Variants in PATJ observed in about 807,000 individuals in gnomAD.
PATJ encodes the protein PATJ crumbs cell polarity complex component, also known as inaD-like protein.
In PATJ, 190 loss-of-function variants were observed where a neutral mutation model predicts 224.9. The observed-to-expected ratio is 0.84, with a 90% CI of 0.75 to 0.95. The LOEUF (loss-of-function observed/expected upper bound fraction) is 0.95. PATJ is among the 40% of genes least tolerant of loss of function. The pLI, the probability that PATJ is intolerant of heterozygous loss-of-function variation, is 0.00. For synonymous variants in PATJ, 769 were observed against 820.3 expected (o/e 0.94, Z 1.07); for missense variants, 2,121 against 2,270.3 (o/e 0.93, Z 1.34).
intron 27 of PATJ, among the ~76,000 whole-genome samples, chr1:61,977,138 A>C (rs1386643980): frequency 1.3e-5 from 2 of 151,938 alleles, no homozygotes; most frequent in Non-Finnish European, 2.9e-5. Flanking sequence ...CTCGGGCTGG[A>C]GTGTAGTGGC....
chr1:62,024,075 T>C (rs1269013327), intron 29 of PATJ, among the ~76,000 whole-genome samples: 1 of 152,232 alleles, frequency 6.6e-6, no homozygotes, highest in Non-Finnish European at 1.5e-5. Flanking sequence ...TTTAGCTTTT[T>C]GATGTGCTGC....
At chr1:61,965,138 A>AAAAAAAAAAC (rs1681932344) in intron 27 of PATJ, among the ~76,000 whole-genome samples, 1 of 94,494 alleles carries the variant, frequency 1.1e-5, no homozygotes, top group Non-Finnish European at 2.9e-5. Flanking sequence ...AAAAAAAAAA[A>AAAAAAAAAAC]AAAAAAAAAA....
intron 7 of PATJ, among the ~76,000 whole-genome samples, chr1:61,786,276 C>A (rs1648500399): frequency 6.6e-6 from 1 of 152,182 alleles, no homozygotes; most frequent in African/African-American, 2.4e-5. Context: ...CCCACCTTGG[C>A]CTCCCAAAGT....
intron 19 of PATJ, among the ~76,000 whole-genome samples, 166 bp downstream of exon 19, chr1:61,861,833 A>C (rs1055232128): frequency 6.6e-6 from 1 of 152,154 alleles, no homozygotes; most frequent in African/African-American, 2.4e-5. Flanking sequence ...CCCTGGCTAA[A>C]TAGATATAAA....
chr1:62,006,819 A>G (rs1646121671), intron 28 of PATJ, among the ~76,000 whole-genome samples: 1 of 152,260 alleles, frequency 6.6e-6, no homozygotes, highest in African/African-American at 2.4e-5. Context: ...TGGCAGGGAT[A>G]CATTTCTGAG....
At chr1:61,943,378 C>T (rs1298981356) in intron 27 of PATJ, among the ~76,000 whole-genome samples, 5 of 152,250 alleles carry the variant, frequency 3.3e-5, no homozygotes, top group Admixed American at 1.3e-4. Flanking sequence ...CCTGGAAAAT[C>T]GGGACACTCC....
intron 30 of PATJ, among the ~76,000 whole-genome samples, chr1:62,046,621 G>T (rs1652617726): frequency 6.6e-6 from 1 of 152,208 alleles, no homozygotes; most frequent in African/African-American, 2.4e-5. Flanking sequence ...GGATCTTTCA[G>T]TCCCGTCAGG....
At chr1:62,160,675 A>G (rs938386369) in intron 43 of PATJ, among the ~76,000 whole-genome samples, 5 of 152,202 alleles carry the variant, frequency 3.3e-5, no homozygotes, top group Non-Finnish European at 7.3e-5. Context: ...GTACATTTCT[A>G]CTAGTATGTT....
At chr1:62,119,710 C>G (rs959903204) in intron 37 of PATJ, among the ~76,000 whole-genome samples, 1 of 152,062 alleles carries the variant, frequency 6.6e-6, no homozygotes, top group African/African-American at 2.4e-5. Context: ...GAGTTCGAGG[C>G]GGGCAGATCA....
chr1:61,903,608 T>A (rs1671480929), intron 24 of PATJ, among the ~76,000 whole-genome samples: 1 of 152,160 alleles, frequency 6.6e-6, no homozygotes, highest in Admixed American at 6.6e-5. Flanking sequence ...TCTTTGTAAT[T>A]CTGTTGGTTT....
intron 17 of PATJ, among the ~76,000 whole-genome samples, chr1:61,849,861 A>G (rs192673438): frequency 6.6e-5 from 10 of 152,348 alleles, no homozygotes; most frequent in Non-Finnish European, 1.2e-4. Context: ...AATGTAGTTA[A>G]GTCTTTGTTA....
chr1:61,906,875 T>C (rs368226952), intron 24 of PATJ, among the ~76,000 whole-genome samples: 194 of 152,270 alleles, frequency 1.3e-3, no homozygotes, highest in African/African-American at 4.2e-3. Context: ...CAGTCTCCAG[T>C]TTTTATAAGT....
At chr1:62,113,017 C>G (rs1479799234) in intron 34 of PATJ, among the ~76,000 whole-genome samples, 1 of 152,150 alleles carries the variant, frequency 6.6e-6, no homozygotes, top group East Asian at 1.9e-4. Flanking sequence ...ATATCTATTT[C>G]AGAGAGTTAG....
chr1:61,781,615 G>A (rs1470903087), intron 7 of PATJ, among the ~76,000 whole-genome samples: 1 of 152,196 alleles, frequency 6.6e-6, no homozygotes, highest in East Asian at 1.9e-4. Flanking sequence ...TAGGATTATA[G>A]TGTGTGAGCT....
intron 30 of PATJ, among the ~76,000 whole-genome samples, chr1:62,039,477 T>C (rs1046050056): frequency 6.6e-6 from 1 of 152,210 alleles, no homozygotes; most frequent in Non-Finnish European, 1.5e-5. Context: ...CCTACCAATT[T>C]GTTATCATCT....
At chr1:61,942,837 C>G (rs1186853107) in intron 27 of PATJ, among the ~76,000 whole-genome samples, 1 of 152,168 alleles carries the variant, frequency 6.6e-6, no homozygotes. Flanking sequence ...GCATGAGCCA[C>G]CATGCCCAGC....
intron 29 of PATJ, among the ~76,000 whole-genome samples, chr1:62,034,313 C>T (rs1375324859): frequency 6.6e-6 from 1 of 151,990 alleles, no homozygotes; most frequent in African/African-American, 2.4e-5. Context: ...CATGTTGGCA[C>T]ACGCCTGTAG....
intron 7 of PATJ, among the ~76,000 whole-genome samples, chr1:61,780,184 C>G (rs182654966): frequency 1.3e-5 from 2 of 152,266 alleles, no homozygotes; most frequent in East Asian, 1.9e-4. Flanking sequence ...ACATCTGTGG[C>G]TGGGTGCAGT....
intron 28 of PATJ, among the ~76,000 whole-genome samples, chr1:62,008,892 T>C (rs927970523): frequency 6.6e-6 from 1 of 152,156 alleles, no homozygotes; most frequent in African/African-American, 2.4e-5. Context: ...TTTGGGTAAA[T>C]TGGGAAGCAT....
Sources: allele counts gnomAD v4.1 joint callset (sites outside exome capture counted in the v4.1 genomes callset), GRCh38; gene constraint gnomAD v4.1.1; transcripts MANE v1.5; gene names NCBI Gene and HGNC (gene_info 2026-07-23, HGNC 2026-07-21).